Variants in TJP3 observed in about 807,000 individuals in gnomAD.
The protein encoded by TJP3 is tight junction protein ZO-3.
In TJP3, 85 loss-of-function variants were observed where a neutral mutation model predicts 104.2. The observed-to-expected ratio is 0.82, with a 90% confidence interval of 0.68 to 0.98. The LOEUF (loss-of-function observed/expected upper bound fraction) is 0.98, where lower values mean the gene tolerates loss of function less well. TJP3 is among the 50% of genes least tolerant of loss of function. The pLI is 0.00. For synonymous variants in TJP3, 550 were observed against 550.6 expected (o/e 1.00, Z 0.02); for missense variants, 1,367 against 1,322.8 (o/e 1.03, Z -0.52).
chr19:3,727,588 C>G (rs935891760), intron 1 of TJP3, among the ~76,000 whole-genome samples: 1 of 152,068 alleles, frequency 6.6e-6, no homozygotes, highest in Non-Finnish European at 1.5e-5. Flanking sequence ...TTCTTGAATC[C>G]CTGCTGCAAC....
chr19:3,740,215 A>G (rs1004511549), intron 13 of TJP3, among the ~76,000 whole-genome samples: 4 of 151,920 alleles, frequency 2.6e-5, no homozygotes, highest in African/African-American at 9.7e-5. Context: ...CTGGCGACGG[A>G]GCGAGACTCT....
chr19:3,731,204 C>G (rs908666596), intron 5 of TJP3, among the ~76,000 whole-genome samples: 18 of 152,110 alleles, frequency 1.2e-4, no homozygotes, highest in Admixed American at 5.2e-4. Context: ...TGTCCCCGCG[C>G]TGATCCCCGG....
intron 19 of TJP3, among the ~76,000 whole-genome samples, chr19:3,749,079 C>T (rs1436313984): frequency 6.7e-6 from 1 of 149,512 alleles, no homozygotes; most frequent in Admixed American, 6.6e-5. Flanking sequence ...ACCACGCTGG[C>T]CAGGCTGGTC....
chr19:3,740,953 G>A (rs1432759232), intron 14 of TJP3, among the ~76,000 whole-genome samples, 190 bp downstream of exon 14: 3 of 152,060 alleles, frequency 2.0e-5, no homozygotes, highest in East Asian at 1.9e-4. Context: ...CAACCTGGGC[G>A]GTAAAGCAAG....
chr19:3,733,537 C>T (rs1437345370), intron 6 of TJP3, among the ~76,000 whole-genome samples: 1 of 152,314 alleles, frequency 6.6e-6, no homozygotes, highest in East Asian at 1.9e-4. Context: ...TCCCACCCCT[C>T]TTAGAACATT....
At chr19:3,717,563 G>A (rs1303497678) in intron 1 of TJP3, among the ~76,000 whole-genome samples, 1 of 151,810 alleles carries the variant, frequency 6.6e-6, no homozygotes, top group Non-Finnish European at 1.5e-5. Context: ...AGCCTCCTGA[G>A]TAGCTGGGAT....
chr19:3,715,237 C>T (rs1204817704), intron 1 of TJP3, among the ~76,000 whole-genome samples: 1 of 151,844 alleles, frequency 6.6e-6, no homozygotes, highest in Non-Finnish European at 1.5e-5. Flanking sequence ...CTACAGGCGC[C>T]CGCCACCACA....
chr19:3,725,938 T>C (rs896247187), intron 1 of TJP3, among the ~76,000 whole-genome samples: 5 of 152,200 alleles, frequency 3.3e-5, no homozygotes, highest in Non-Finnish European at 7.3e-5. Context: ...CTGCCCTGGC[T>C]CCTTCAGAAC....
chr19:3,728,835 C>T lies in TJP3; in HGVS notation c.158+122C>T. 3 of 1,047,730 alleles carry T rather than the reference C, an allele frequency of 2.9e-6. No homozygotes were observed. In the South Asian group the frequency reaches 4.5e-5, roughly 16 times the overall value. The allele number at this position is 1,047,730 out of a possible 1,614,324, so 64.9% of individuals were successfully genotyped here. On this transcript the variant is annotated intron_variant, in intron 3 of 20. Coordinates refer to ENST00000541714, the MANE Select transcript of TJP3 (RefSeq NM_001267560.2). ...TGCGAGGCTGAAGTGGGCGGATCAC[C>T]TGAGTTCAGGAGTTTGAGACCAGCC...
intron 11 of TJP3, among the ~76,000 whole-genome samples, chr19:3,736,932 T>C (rs1033598308): frequency 6.8e-6 from 1 of 146,146 alleles, no homozygotes; most frequent in African/African-American, 2.6e-5. Flanking sequence ...CAGGCTGGAG[T>C]GCGGGGGTGT....
intron 1 of TJP3, among the ~76,000 whole-genome samples, chr19:3,712,235 G>C (rs1343219887): frequency 6.6e-6 from 1 of 152,166 alleles, no homozygotes; most frequent in Non-Finnish European, 1.5e-5. Flanking sequence ...AGAATTGCTT[G>C]AACCTGGGAG....
intron 1 of TJP3, among the ~76,000 whole-genome samples, chr19:3,724,490 C>A (rs1158428913): frequency 2.0e-5 from 3 of 152,162 alleles, no homozygotes; most frequent in African/African-American, 7.2e-5. Flanking sequence ...CCACTGTGCC[C>A]GGGCAGGGCT....
chr19:3,748,196 C>G, intron 19 of TJP3, 115 bp downstream of exon 19: 1 of 1,327,028 alleles, frequency 7.5e-7, no homozygotes, highest in Non-Finnish European at 1.0e-6. Context: ...CACGGCTTCC[C>G]TGGTCAGACT....
chr19:3,709,161 G>T (rs1448688242), intron 1 of TJP3, among the ~76,000 whole-genome samples: 3 of 152,040 alleles, frequency 2.0e-5, no homozygotes, highest in Admixed American at 2.0e-4. Flanking sequence ...TGTTGCCCAG[G>T]CTGGAGTGCA....
intron 1 of TJP3, 122 bp from the exon 2 acceptor site, chr19:3,728,302 T>G: frequency 6.7e-7 from 1 of 1,496,198 alleles, no homozygotes; most frequent in Non-Finnish European, 9.1e-7. Flanking sequence ...AGGTAGTAAC[T>G]TGTCACAGGC....
rs144492217 is a variant in TJP3, at chr19:3,734,609, G to A, written c.986+174G>A. 3.6e-3 allele frequency among the ~76,000 whole-genome samples: 546 copies of A among 152,330 alleles called. 1 individual carries two copies. The highest frequency in any genetic ancestry group is 0.012 in the African/African-American group (516 of 41,574). ...CTACCCATTACCCAGTTCCAAAGCC[G>A]TGTCCGCATTTGTAGGTGTTGGTTA... On this transcript the variant is annotated intron_variant, in intron 8 of 20. Coordinates refer to ENST00000541714, the MANE Select transcript of TJP3 (RefSeq NM_001267560.2).
At chr19:3,743,698 C>T (rs890504830) in intron 14 of TJP3, 6 of 442,914 alleles carry the variant, frequency 1.4e-5, no homozygotes, top group Non-Finnish European at 2.4e-5. Context: ...TTATTCCTGC[C>T]CTTGAAGGCG....
At chr19:3,721,808 C>T in intron 1 of TJP3, 4 of 752,084 alleles carry the variant, frequency 5.3e-6, no homozygotes, top group Non-Finnish European at 7.3e-6. Flanking sequence ...TCTCCTCAGC[C>T]CCCTCCCCCA....
At chr19:3,718,212 AGTGTGTGT>A (rs71339057) in intron 1 of TJP3, among the ~76,000 whole-genome samples, 158 of 48,256 alleles carry the variant, frequency 3.3e-3, no homozygotes, top group African/African-American at 8.0e-3. Context: ...AAAAAAAAAA[AGTGTGTGT>A]GTGTGTGTGT....
Sources: gnomAD v4.1 joint callset for allele counts (sites outside exome capture counted in the v4.1 genomes callset) on GRCh38, gnomAD v4.1.1 for gene constraint, MANE v1.5 for transcripts, NCBI Gene and HGNC (gene_info 2026-07-23, HGNC 2026-07-21) for gene names.